The following SORCS3 variants were observed in gnomAD, a reference collection of about 807,000 sequenced individuals.
The protein encoded by SORCS3 is VPS10 domain-containing receptor SorCS3.
SORCS3 carries 57 observed loss-of-function variants against 146.3 expected under a neutral mutation model. That is an observed-to-expected ratio of 0.39 (90% confidence interval 0.31 to 0.49). The LOEUF is 0.49. SORCS3 is among the 20% of genes least tolerant of loss of function. The pLI is 0.92. For synonymous variants in SORCS3, 653 were observed against 618.5 expected (o/e 1.06, Z -0.83); for missense variants, 1,341 against 1,575.5 (o/e 0.85, Z 2.52).
chr10:105,041,067 A>G (rs1457890741), intron 4 of SORCS3, among the ~76,000 whole-genome samples: 5 of 117,560 alleles, frequency 4.3e-5, no homozygotes, highest in African/African-American at 1.3e-4. Flanking sequence ...ATATAAATAT[A>G]TATGTATGTA....
chr10:105,228,542 GTGA>G (rs1344422414), intron 20 of SORCS3, among the ~76,000 whole-genome samples: 1 of 151,690 alleles, frequency 6.6e-6, no homozygotes, highest in Non-Finnish European at 1.5e-5. Context: ...AAATCTAGTG[GTGA>G]TGAATTCCCT....
intron 4 of SORCS3, among the ~76,000 whole-genome samples, chr10:104,990,410 T>C (rs939979478): frequency 7.2e-5 from 11 of 152,190 alleles, no homozygotes; most frequent in Non-Finnish European, 7.3e-5. Context: ...CTCTAGTCCT[T>C]GGCTTGGGGC....
chr10:104,845,307 G>A (rs1245902243), intron 2 of SORCS3, among the ~76,000 whole-genome samples: 3 of 152,190 alleles, frequency 2.0e-5, no homozygotes, highest in African/African-American at 7.2e-5. Flanking sequence ...AGCTTGTAGA[G>A]AGAGGGAATT....
chr10:104,821,736 A>G (rs1197514980), intron 1 of SORCS3, among the ~76,000 whole-genome samples: 1 of 152,200 alleles, frequency 6.6e-6, no homozygotes, highest in East Asian at 1.9e-4. Flanking sequence ...CCTCTGTACC[A>G]TGGGATTGGA....
chr10:105,228,368 C>CTT (rs1564789869), intron 20 of SORCS3, among the ~76,000 whole-genome samples: 4 of 149,844 alleles, frequency 2.7e-5, no homozygotes, highest in Non-Finnish European at 5.9e-5. Context: ...TTCTTTCTTT[C>CTT]TCTCTTTTCT....
intron 18 of SORCS3, 55 bp from the exon 19 acceptor site, chr10:105,216,881 G>T: frequency 6.4e-7 from 1 of 1,573,986 alleles, no homozygotes; most frequent in African/African-American, 1.3e-5. Context: ...GGAAGCATCA[G>T]ATAGGAGTCT....
At chr10:105,060,354 C>T (rs899143862) in intron 5 of SORCS3, among the ~76,000 whole-genome samples, 6 of 151,920 alleles carry the variant, frequency 3.9e-5, no homozygotes, top group South Asian at 4.2e-4. Context: ...AGAGATTGGC[C>T]GATAAGCCTA....
chr10:104,727,670 C>A (rs562366344), intron 1 of SORCS3, among the ~76,000 whole-genome samples: 15 of 152,114 alleles, frequency 9.9e-5, no homozygotes, highest in Non-Finnish European at 2.2e-4. Context: ...GGGTCCCCAA[C>A]CCCTGGGCTG....
chr10:104,737,601 C>A (rs1322883558), intron 1 of SORCS3, among the ~76,000 whole-genome samples: 3 of 152,082 alleles, frequency 2.0e-5, no homozygotes, highest in Non-Finnish European at 4.4e-5. Context: ...CTGTTCATAT[C>A]CTTTGCCCAC....
At chr10:105,223,533 A>G (rs2056716831) in intron 20 of SORCS3, among the ~76,000 whole-genome samples, 2 of 152,188 alleles carry the variant, frequency 1.3e-5, no homozygotes, top group Admixed American at 6.5e-5. Flanking sequence ...CATTCGTTCC[A>G]TTTTGCTTTA....
chr10:105,008,386 T>G (rs536773849), intron 4 of SORCS3, among the ~76,000 whole-genome samples: 1 of 152,214 alleles, frequency 6.6e-6, no homozygotes, highest in Non-Finnish European at 1.5e-5. Context: ...TTTAACAGCC[T>G]CTGACCAAGG....
At chr10:105,177,935 T>C in intron 13 of SORCS3, 131 bp from the exon 14 acceptor site, 1 of 672,628 alleles carries the variant, frequency 1.5e-6, no homozygotes, top group Non-Finnish European at 2.6e-6. Flanking sequence ...ATGTTGAAGA[T>C]TAAAACCTAT....
In SORCS3 at chr10:105,258,736, C is replaced by T. The variant is rs141165643; in HGVS notation, c.3443+1812C>T. Among the ~76,000 whole-genome samples, 247 of 152,278 alleles carry T rather than the reference C, an allele frequency of 1.6e-3. 6 individuals carry two copies. In the South Asian group the frequency reaches 0.044, roughly 27 times the overall value. On this transcript the variant is annotated intron_variant, in intron 25 of 26. Transcript: ENST00000369701. ...TATACACTTTAATAATGAATCCATACCAGGTAATGACATCTCTAAAAAATT... is the reference window on the plus strand; with the variant it reads ...TATACACTTTAATAATGAATCCATATCAGGTAATGACATCTCTAAAAAATT...
chr10:105,010,120 T>C (rs1172662124), intron 4 of SORCS3, among the ~76,000 whole-genome samples: 1 of 152,184 alleles, frequency 6.6e-6, no homozygotes, highest in Non-Finnish European at 1.5e-5. Flanking sequence ...GCACCTCTGC[T>C]CTTTCCCATG....
intron 7 of SORCS3, among the ~76,000 whole-genome samples, chr10:105,132,851 A>G (rs1459228107): frequency 2.0e-5 from 3 of 152,218 alleles, no homozygotes; most frequent in African/African-American, 7.2e-5. Flanking sequence ...ATTGGATGAC[A>G]TTCATCAAAT....
intron 1 of SORCS3, among the ~76,000 whole-genome samples, chr10:104,750,185 A>G (rs2016967775): frequency 6.6e-6 from 1 of 152,178 alleles, no homozygotes; most frequent in African/African-American, 2.4e-5. Flanking sequence ...GGCTACTAAG[A>G]TAATGAAGAG....
At chr10:104,723,868 T>C (rs1054215805) in intron 1 of SORCS3, among the ~76,000 whole-genome samples, 1 of 152,222 alleles carries the variant, frequency 6.6e-6, no homozygotes, top group African/African-American at 2.4e-5. Context: ...CCTATGTGTG[T>C]CTCTGCACGT....
At chr10:105,239,924 G>A (rs1161331038) in intron 20 of SORCS3, among the ~76,000 whole-genome samples, 1 of 152,222 alleles carries the variant, frequency 6.6e-6, no homozygotes, top group Non-Finnish European at 1.5e-5. Flanking sequence ...AACAGCTGAT[G>A]AGAAACAAAA....
chr10:104,942,707 T>A (rs1316570419), intron 3 of SORCS3, among the ~76,000 whole-genome samples: 1 of 152,216 alleles, frequency 6.6e-6, no homozygotes, highest in Admixed American at 6.5e-5. Context: ...TCTTAAGCAA[T>A]GCAGAGCAAG....
Sources: gnomAD v4.1 joint callset for allele counts (sites outside exome capture counted in the v4.1 genomes callset) on GRCh38, gnomAD v4.1.1 for gene constraint, MANE v1.5 for transcripts, NCBI Gene and HGNC (gene_info 2026-07-23, HGNC 2026-07-21) for gene names.